CYP4F3: variants seen among roughly 807,000 people sequenced by gnomAD.
CYP4F3 encodes cytochrome P450 family 4 subfamily F member 3, also known as cytochrome P450 4F3.
A neutral mutation model predicts 54.8 loss-of-function variants in CYP4F3; 50 were observed. The ratio of observed to expected loss-of-function variants is 0.91; its 90% confidence interval spans 0.73 to 1.16. The LOEUF (loss-of-function observed/expected upper bound fraction) is 1.16. Among genes scored for constraint, CYP4F3 ranks in the 50% most tolerant of loss-of-function variants. The pLI is 0.00. For synonymous variants in CYP4F3, 244 were observed against 262.6 expected (o/e 0.93, Z 0.69); for missense variants, 715 against 676.2 (o/e 1.06, Z -0.64).
rs779733763 is a variant in CYP4F3, at chr19:15,649,126, G to C, written c.526-34G>C. On this transcript the variant is annotated intron_variant, in intron 5 of 12. Transcript: ENST00000221307. ...TGGAGAGCTGCTCAAGGGAGCAAGGGACCTGCCCCAGCTCTGTCCCCTTCT... is the reference window on the plus strand; with the variant it reads ...TGGAGAGCTGCTCAAGGGAGCAAGGCACCTGCCCCAGCTCTGTCCCCTTCT... 17 of 1,611,952 alleles carry C rather than the reference G, an allele frequency of 1.1e-5. No homozygotes were observed. The South Asian group carries it at 1.9e-4, about 18-fold the overall frequency.
chr19:15,658,410 CA>C lies in CYP4F3; in HGVS notation c.1249+14del, dbSNP rs773063269. 78 of 1,613,680 alleles carry C rather than the reference CA, an allele frequency of 4.8e-5. No homozygotes were observed. The highest frequency in any genetic ancestry group is 6.5e-5 in the Non-Finnish European group (77 of 1,179,808). On this transcript the variant is annotated intron_variant, in intron 10 of 12. Transcript: ENST00000221307. ...GTCATCCCCAAAGGTGCCACAGCCT[CA>C]GGGGGAGGAGCCTCCTGGGTAGGAA...
At chr19:15,645,221 T>C (rs1972587820) in intron 2 of CYP4F3, among the ~76,000 whole-genome samples, 1 of 152,208 alleles carries the variant, frequency 6.6e-6, no homozygotes, top group African/African-American at 2.4e-5. Context: ...AGGCCCATGA[T>C]TTACTTCTCC....
At chr19:15,658,892 G>A in intron 12 of CYP4F3, 83 bp downstream of exon 12, 1 of 1,525,670 alleles carries the variant, frequency 6.6e-7, no homozygotes, top group Non-Finnish European at 8.9e-7. Flanking sequence ...GGGGGACATT[G>A]TAGACGGTCC....
At chr19:15,656,771 C>CTATCTATCTAT (rs768701357) in intron 9 of CYP4F3, among the ~76,000 whole-genome samples, 4 of 100,842 alleles carry the variant, frequency 4.0e-5, no homozygotes, top group Non-Finnish European at 6.2e-5. Flanking sequence ...TATCTATCAT[C>CTATCTATCTAT]CATCCATCCA....
At position 15,650,819 on chromosome 19, in the gene CYP4F3, T is replaced by TC. The variant is rs1415895837; in HGVS notation, c.918+636_918+637insC. 1.1e-3 allele frequency among the ~76,000 whole-genome samples: 72 copies of TC among 62,882 alleles called. 12 individuals carry two copies. Among genetic ancestry groups the TC allele is most frequent in the East Asian group, 3.3e-3 (5 of 1,512 alleles). The allele number at this position is 62,882 out of a possible 152,430, so 41.3% of individuals were successfully genotyped here. On this transcript the variant is annotated intron_variant, in intron 7 of 12. Transcript: ENST00000221307. ...TCTTTCTCTCTCTTCTCTTTCTTTC[T>TC]TTCTTTCTTTCTTTCTTTCTTTCTT...
Position 15,645,827 on chromosome 19 carries a change from C to G in CYP4F3, c.307C>G (p.His103Asp), listed in dbSNP as rs926175902. 1.2e-6 allele frequency: 2 copies of G among 1,613,354 alleles called. No individual in the cohort carries two copies. The highest frequency in any genetic ancestry group is 1.3e-5 in the African/African-American group (1 of 74,936). The change falls in exon 3 of 13, where the codon CAC (histidine) becomes GAC (aspartate). Residue 103 changes from histidine to aspartate, a missense_variant. His to Asp is a moderately conservative substitution (Grantham distance 81). Transcript: ENST00000221307. ...GPWHAIVRIF[H>D]PTYIKPVLFA... ...CTGGCACGCAATCGTCCGCATCTTC[C>G]ACCCCACCTACATCAAGCCTGTGCT...
rs1325212055 is a variant in CYP4F3 at position 15,661,619 on chromosome 19, A to G, written c.*2234A>G. 1 of 152,062 alleles carries G rather than the reference A, an allele frequency of 6.6e-6. No individual in the cohort carries two copies. The highest frequency in any genetic ancestry group is 2.4e-5 in the African/African-American group (1 of 41,398). 9.4% of individuals were successfully genotyped at this position (152,062 alleles called of 1,614,324 possible). On this transcript the variant is annotated 3_prime_UTR_variant, in exon 13 of 13. Transcript: ENST00000221307. Reference sequence around the variant, plus strand: ...TTTTCCTTCGGTTGTTTGCCTTCTTATTGTTGGATTTTGAGAGTTCTATGT... The same window carrying G: ...TTTTCCTTCGGTTGTTTGCCTTCTTGTTGTTGGATTTTGAGAGTTCTATGT...
chr19:15,651,865 A>G (rs1034938527), intron 7 of CYP4F3, among the ~76,000 whole-genome samples: 21 of 152,208 alleles, frequency 1.4e-4, no homozygotes, highest in African/African-American at 5.1e-4. Context: ...TGACAGAGGC[A>G]TTAAATCTCT....
chr19:15,649,839 G>A (rs1972734288), intron 6 of CYP4F3, 74 bp from the exon 7 acceptor site: 2 of 1,573,948 alleles, frequency 1.3e-6, no homozygotes, highest in South Asian at 2.4e-5. Context: ...GTAGCTCCTA[G>A]CTGCTGGTGG....
In CYP4F3 at chr19:15,650,808, CTCTTTCTTTCTTTCTTTCTTTCTTTCTT is replaced by C. The variant is rs754901864; in HGVS notation, c.918+659_918+686del. Among the ~76,000 whole-genome samples the C allele has an allele frequency of 8.5e-4, 11 of 12,940 alleles. 2 individuals are homozygous for C. The highest frequency in any genetic ancestry group is 4.6e-3 in the African/African-American group (8 of 1,752). 8.5% of individuals were successfully genotyped at this position (12,940 alleles called of 152,430 possible). On this transcript the variant is annotated intron_variant, in intron 7 of 12. Transcript: ENST00000221307. ...CTTTCTTTCTTTCTTTCTCTCTCTT[CTCTTTCTTTCTTTCTTTCTTTCTTTCTT>C]TCTTTCTTTCTTTCTTTCTTTCTTT...
In CYP4F3 at chr19:15,645,751, A is replaced by G. The variant is rs765134327; in HGVS notation, c.231A>G (p.Thr77=). 8 of 1,613,932 alleles carry G rather than the reference A, an allele frequency of 5.0e-6. 1 individual carries two copies. In the South Asian group the frequency reaches 8.8e-5, roughly 18 times the overall value. Residue 77 remains threonine, a synonymous_variant, in exon 3 of 13, where the codon ACA becomes ACG. Transcript: ENST00000221307. ...GCTCGGAGGAAGGTCTCCTATACAC[A>G]CAAAGCCTGGCATGCACCTTCGGTG... The part of the protein sequence containing the change: ...IHSSEEGLLY[T]QSLACTFGDM...
At chr19:15,658,230 C>T (rs756417660) in intron 9 of CYP4F3, 34 bp from the exon 10 acceptor site, 4 of 1,607,002 alleles carry the variant, frequency 2.5e-6, no homozygotes, top group African/African-American at 1.3e-5. Context: ...TCTTTGCTCC[C>T]TTGATAAGGA....
In CYP4F3 at chr19:15,661,107, C is replaced by T. The variant is rs554677884; in HGVS notation, c.*1722C>T. ...TTAGGCTCCCCTCTCTACTAAAATA[C>T]AAAAGTTAGCTGGTCATGGTGGTGC... On this transcript the variant is annotated 3_prime_UTR_variant, in exon 13 of 13. Transcript: ENST00000221307. 6.6e-6 allele frequency: 1 copy of T among 151,090 alleles called. No individual in the cohort carries two copies. The highest frequency in any genetic ancestry group is 1.5e-5 in the Non-Finnish European group (1 of 67,784). The allele number at this position is 151,090 out of a possible 1,614,324, so 9.4% of individuals were successfully genotyped here.
Position 15,650,792 on chromosome 19 carries a change from T to TTTC in CYP4F3, c.918+612_918+614dup, listed in dbSNP as rs780874285. On this transcript the variant is annotated intron_variant, in intron 7 of 12. Coordinates refer to ENST00000221307, the MANE Select transcript of CYP4F3 (RefSeq NM_000896.3). The stretch of plus-strand genomic sequence containing the variant: ...TTTTCTTTCGTTCTTTCTTTCTTTC[T>TTTC]TTCTTTCTCTCTCTTCTCTTTCTTT... 1.5e-3 allele frequency among the ~76,000 whole-genome samples: 154 copies of TTTC among 99,680 alleles called. 19 individuals carry two copies. Among genetic ancestry groups the TTTC allele is most frequent in the Non-Finnish European group, 2.1e-3 (109 of 53,164 alleles). 65.4% of individuals were successfully genotyped at this position (99,680 alleles called of 152,430 possible).
At chr19:15,642,648 A>G (rs894831803) in intron 2 of CYP4F3, among the ~76,000 whole-genome samples, 1 of 152,212 alleles carries the variant, frequency 6.6e-6, no homozygotes, top group Non-Finnish European at 1.5e-5. Flanking sequence ...CTGTGAGTGG[A>G]CAGTGTGTCT....
chr19:15,658,623 A>G (rs1973098976), intron 11 of CYP4F3, 68 bp downstream of exon 11: 1 of 1,609,468 alleles, frequency 6.2e-7, no homozygotes, highest in African/African-American at 1.3e-5. Flanking sequence ...GGTTTTGATC[A>G]GGAGAATCCA....
chr19:15,647,027 C>T, intron 3 of CYP4F3, 25 bp from the exon 4 acceptor site: 1 of 1,613,706 alleles, frequency 6.2e-7, no homozygotes, highest in Non-Finnish European at 8.5e-7. Context: ...CCTCCATGGC[C>T]CCTGATTGTC....
At chr19:15,649,395 T>C (rs76995838) in intron 6 of CYP4F3, 114 bp downstream of exon 6, 4 of 1,532,706 alleles carry the variant, frequency 2.6e-6, no homozygotes, top group Non-Finnish European at 3.6e-6. Flanking sequence ...GGAGTTGTTA[T>C]ACCTGATCGT....
chr19:15,643,908 T>A, intron 2 of CYP4F3: 1 of 1,565,990 alleles, frequency 6.4e-7, no homozygotes, highest in Non-Finnish European at 8.6e-7. Flanking sequence ...TGCTTGCAGG[T>A]CACCCCCACG....
Sources: allele counts gnomAD v4.1 joint callset (sites outside exome capture counted in the v4.1 genomes callset), GRCh38; gene constraint gnomAD v4.1.1; transcripts MANE v1.5; gene names NCBI Gene and HGNC (gene_info 2026-07-23, HGNC 2026-07-21).